EYA2: variants seen among roughly 807,000 people sequenced by gnomAD.
The protein encoded by EYA2 is EYA transcriptional coactivator and phosphatase 2, also known as protein phosphatase EYA2.
EYA2 carries 31 observed loss-of-function variants against 69.2 expected under a neutral mutation model. The ratio of observed to expected loss-of-function variants is 0.45; its 90% CI spans 0.34 to 0.60. EYA2 has a LOEUF of 0.60. EYA2 is among the 20% of genes least tolerant of loss of function. The probability of loss-of-function intolerance (pLI) is 0.02; values close to 1 mark genes in which losing one functional copy is unlikely to be tolerated. For missense variants in EYA2, 622 were observed against 701.2 expected, an observed-to-expected ratio of 0.89 and a Z score of 1.28; for synonymous variants, 257 against 279.4, an observed-to-expected ratio of 0.92 and a Z score of 0.80.
At chr20:47,045,942 T>C (rs1053337047) in intron 5 of EYA2, among the ~76,000 whole-genome samples, 1 of 152,216 alleles carries the variant, frequency 6.6e-6, no homozygotes, top group Non-Finnish European at 1.5e-5. Context: ...GCTGTCCTCT[T>C]CTATACGACA....
In EYA2 at chr20:47,081,078, G is replaced by A. The variant is rs1026564494; in HGVS notation, c.661+6743G>A. ...TGGGGACTTGCTCCTCCTTGTCTTC[G>A]GCCATGATTGTGAGGCTTCCCCAGC... On this transcript the variant is annotated intron_variant, in intron 7 of 15. Coordinates refer to ENST00000327619, the MANE Select transcript of EYA2 (RefSeq NM_005244.5). Among the ~76,000 whole-genome samples, 3 of 151,814 alleles carry A rather than the reference G, an allele frequency of 2.0e-5. No individual in the cohort carries two copies. The East Asian group carries it at 5.8e-4, about 29-fold the overall frequency.
intron 12 of EYA2, among the ~76,000 whole-genome samples, chr20:47,174,714 T>C (rs924765965): frequency 7.9e-5 from 12 of 152,254 alleles, no homozygotes. Context: ...CTTCACAGCA[T>C]GCCTGTAAGG....
At chr20:46,961,225 C>G (rs1979455559) in intron 1 of EYA2, among the ~76,000 whole-genome samples, 1 of 152,076 alleles carries the variant, frequency 6.6e-6, no homozygotes, top group South Asian at 2.1e-4. Flanking sequence ...ATTTGGGAGA[C>G]TGAGGTAGGA....
chr20:47,164,948 T>C (rs550731252), intron 10 of EYA2, among the ~76,000 whole-genome samples: 2 of 152,216 alleles, frequency 1.3e-5, no homozygotes, highest in East Asian at 3.9e-4. Context: ...ATCAACACAG[T>C]AGACAAGCTG....
chr20:47,092,195 C>T (rs2032106080), intron 8 of EYA2, among the ~76,000 whole-genome samples: 2 of 152,114 alleles, frequency 1.3e-5, no homozygotes, highest in Admixed American at 1.3e-4. Context: ...TATTAAATAT[C>T]CTGAACATCA....
chr20:46,939,726 A>G (rs555716759), intron 1 of EYA2, among the ~76,000 whole-genome samples: 5 of 152,294 alleles, frequency 3.3e-5, no homozygotes, highest in South Asian at 2.1e-4. Flanking sequence ...TGTCTCCTCT[A>G]TTTGTAAGAG....
At chr20:47,164,964 C>T (rs945254951) in intron 10 of EYA2, among the ~76,000 whole-genome samples, 1 of 152,216 alleles carries the variant, frequency 6.6e-6, no homozygotes, top group African/African-American at 2.4e-5. Flanking sequence ...AGCTGCCGGC[C>T]TGGCTCCCTC....
intron 8 of EYA2, among the ~76,000 whole-genome samples, chr20:47,094,550 T>C (rs2032188974): frequency 6.6e-6 from 1 of 152,250 alleles, no homozygotes; most frequent in African/African-American, 2.4e-5. Flanking sequence ...TTCAAAGGCA[T>C]GGCAAATGCC....
intron 5 of EYA2, among the ~76,000 whole-genome samples, chr20:47,071,137 G>T (rs1431382050): frequency 6.6e-6 from 1 of 152,086 alleles, no homozygotes; most frequent in African/African-American, 2.4e-5. Context: ...AGCCTCCCTA[G>T]TAGCTGGGAT....
chr20:47,125,631 C>G (rs1452182648), intron 9 of EYA2, among the ~76,000 whole-genome samples: 1 of 152,140 alleles, frequency 6.6e-6, no homozygotes, highest in Non-Finnish European at 1.5e-5. Context: ...AAGCTAACCA[C>G]AAGGAGGAGA....
chr20:46,939,067 C>T (rs1986039749), intron 1 of EYA2, among the ~76,000 whole-genome samples: 1 of 152,138 alleles, frequency 6.6e-6, no homozygotes, highest in Non-Finnish European at 1.5e-5. Context: ...CACTCCTTCC[C>T]CACTCTCAGT....
At chr20:47,047,160 G>A (rs545891397) in intron 5 of EYA2, among the ~76,000 whole-genome samples, 1 of 152,130 alleles carries the variant, frequency 6.6e-6, no homozygotes, top group Non-Finnish European at 1.5e-5. Flanking sequence ...AAGGTCGGGG[G>A]CTGTGTCTTA....
chr20:47,157,693 A>G (rs2033983039), intron 10 of EYA2, among the ~76,000 whole-genome samples: 1 of 151,958 alleles, frequency 6.6e-6, no homozygotes, highest in Non-Finnish European at 1.5e-5. Flanking sequence ...GGAAGACACA[A>G]ATTACTGAAA....
intron 1 of EYA2, among the ~76,000 whole-genome samples, chr20:46,974,882 G>A (rs1286547807): frequency 6.6e-6 from 1 of 152,170 alleles, no homozygotes; most frequent in South Asian, 2.1e-4. Flanking sequence ...TGCACGTTGG[G>A]TGCCTTTTTG....
chr20:46,931,729 T>G (rs1217653169), intron 1 of EYA2, among the ~76,000 whole-genome samples: 1 of 152,120 alleles, frequency 6.6e-6, no homozygotes, highest in Non-Finnish European at 1.5e-5. Context: ...TTCTTTGCAG[T>G]CAAGCCCAGG....
chr20:46,980,006 G>A (rs1980725085), intron 1 of EYA2, among the ~76,000 whole-genome samples: 1 of 152,178 alleles, frequency 6.6e-6, no homozygotes, highest in Admixed American at 6.5e-5. Flanking sequence ...TTGAACCCCT[G>A]GAGCAGATAA....
chr20:47,184,035 T>G (rs987924813), intron 15 of EYA2, among the ~76,000 whole-genome samples: 1 of 152,030 alleles, frequency 6.6e-6, no homozygotes, highest in Non-Finnish European at 1.5e-5. Context: ...ATGTTCAGGG[T>G]CTCAGCAGAT....
intron 2 of EYA2, among the ~76,000 whole-genome samples, chr20:46,991,739 G>A (rs1359075308): frequency 2.6e-5 from 4 of 152,182 alleles, no homozygotes; most frequent in African/African-American, 9.7e-5. Flanking sequence ...GGAGGCCAAG[G>A]CAGGCGGATC....
chr20:46,942,117 A>G (rs1205612533), intron 1 of EYA2, among the ~76,000 whole-genome samples: 5 of 152,188 alleles, frequency 3.3e-5, no homozygotes, highest in Non-Finnish European at 5.9e-5. Flanking sequence ...AGTTCTTATT[A>G]GTAACATGTT....
Sources: allele counts gnomAD v4.1 joint callset (sites outside exome capture counted in the v4.1 genomes callset), GRCh38; gene constraint gnomAD v4.1.1; transcripts MANE v1.5; gene names NCBI Gene and HGNC (gene_info 2026-07-23, HGNC 2026-07-21).